Variants in SMAP1 observed in about 807,000 individuals in gnomAD.
SMAP1 encodes the protein small ArfGAP 1.
Under a neutral mutation model 58.5 loss-of-function variants are expected in SMAP1, and 24 were observed. That is an observed-to-expected ratio of 0.41 (90% confidence interval 0.30 to 0.58). The LOEUF (loss-of-function observed/expected upper bound fraction) is 0.58. SMAP1 is among the 20% of genes least tolerant of loss of function. The pLI, the probability that SMAP1 is intolerant of heterozygous loss-of-function variation, is 0.29. For missense variants in SMAP1, 563 were observed against 566.3 expected (o/e 0.99, Z 0.06); for synonymous variants, 216 against 196.6 (o/e 1.10, Z -0.82).
At chr6:70,779,100 G>T (rs118095579) in intron 4 of SMAP1, among the ~76,000 whole-genome samples, 2 of 152,212 alleles carry the variant, frequency 1.3e-5, no homozygotes, top group African/African-American at 2.4e-5. Flanking sequence ...CCAGGCAGGC[G>T]GTTCTCAGGT....
chr6:70,700,790 C>T (rs1213974665), intron 1 of SMAP1, among the ~76,000 whole-genome samples: 2 of 152,226 alleles, frequency 1.3e-5, no homozygotes, highest in African/African-American at 2.4e-5. Flanking sequence ...TAGCAAGTAC[C>T]GGCAAGTATT....
chr6:70,855,979 A>G (rs929928192), intron 8 of SMAP1, among the ~76,000 whole-genome samples: 7 of 152,216 alleles, frequency 4.6e-5, no homozygotes, highest in Non-Finnish European at 1.5e-5. Flanking sequence ...AACTTATTGC[A>G]TGGTGTTCTA....
intron 7 of SMAP1, among the ~76,000 whole-genome samples, chr6:70,843,144 C>A (rs1047603449): frequency 1.3e-5 from 2 of 150,916 alleles, no homozygotes; most frequent in Non-Finnish European, 2.9e-5. Flanking sequence ...TTTTACACAC[C>A]CACACACACT....
At chr6:70,748,271 T>A (rs917354691) in intron 2 of SMAP1, among the ~76,000 whole-genome samples, 9 of 152,204 alleles carry the variant, frequency 5.9e-5, no homozygotes, top group Admixed American at 2.0e-4. Flanking sequence ...TAAAAGTTTT[T>A]AAAAATATGT....
At chr6:70,850,232 G>A (rs533676025) in intron 7 of SMAP1, among the ~76,000 whole-genome samples, 1 of 152,198 alleles carries the variant, frequency 6.6e-6, no homozygotes, top group East Asian at 1.9e-4. Context: ...ATGCATCCTG[G>A]GCACACTGGT....
chr6:70,755,516 T>C (rs1373157822), intron 3 of SMAP1, among the ~76,000 whole-genome samples: 1 of 152,050 alleles, frequency 6.6e-6, no homozygotes, highest in Non-Finnish European at 1.5e-5. Flanking sequence ...AACCGTAGGC[T>C]AATGTTAGTG....
At chr6:70,850,309 A>G (rs946763399) in intron 7 of SMAP1, among the ~76,000 whole-genome samples, 1 of 152,176 alleles carries the variant, frequency 6.6e-6, no homozygotes, top group Non-Finnish European at 1.5e-5. Flanking sequence ...CAGTTTGCCA[A>G]AAAATCAACG....
At chr6:70,718,899 A>G (rs1033175336) in intron 1 of SMAP1, among the ~76,000 whole-genome samples, 2 of 152,062 alleles carry the variant, frequency 1.3e-5, no homozygotes, top group Non-Finnish European at 2.9e-5. Flanking sequence ...TTATTTTAAA[A>G]AGTCCTTTCT....
At chr6:70,781,454 G>C (rs1274035247) in intron 4 of SMAP1, among the ~76,000 whole-genome samples, 1 of 152,096 alleles carries the variant, frequency 6.6e-6, no homozygotes, top group Non-Finnish European at 1.5e-5. Flanking sequence ...TATTTAAAAT[G>C]ATTTCTAGAC....
At chr6:70,669,356 G>A (rs1766169799) in intron 1 of SMAP1, among the ~76,000 whole-genome samples, 1 of 152,168 alleles carries the variant, frequency 6.6e-6, no homozygotes, top group Non-Finnish European at 1.5e-5. Flanking sequence ...ACTAGACTGA[G>A]CCACACAGCA....
At chr6:70,795,167 T>C (rs1026191496) in intron 5 of SMAP1, among the ~76,000 whole-genome samples, 20 of 152,314 alleles carry the variant, frequency 1.3e-4, no homozygotes, top group African/African-American at 4.8e-4. Context: ...AATTCTGGTG[T>C]TAAAGAGTAT....
intron 3 of SMAP1, among the ~76,000 whole-genome samples, chr6:70,758,579 A>G (rs1766615129): frequency 6.6e-6 from 1 of 152,118 alleles, no homozygotes; most frequent in Non-Finnish European, 1.5e-5. Context: ...CAGGAGAAAC[A>G]TTAGAAACAT....
chr6:70,806,422 T>C (rs979691179), intron 6 of SMAP1, among the ~76,000 whole-genome samples: 1 of 152,174 alleles, frequency 6.6e-6, no homozygotes, highest in Non-Finnish European at 1.5e-5. Context: ...ACAGCTTCCC[T>C]TGGCTAGGAA....
chr6:70,767,196 G>A (rs1313675477), intron 3 of SMAP1, among the ~76,000 whole-genome samples: 10 of 151,904 alleles, frequency 6.6e-5, no homozygotes, highest in Non-Finnish European at 1.3e-4. Flanking sequence ...CTCCAGCTTT[G>A]TTCTTTTGGC....
intron 1 of SMAP1, among the ~76,000 whole-genome samples, chr6:70,686,977 TG>T (rs1190783390): frequency 6.6e-6 from 1 of 152,188 alleles, no homozygotes; most frequent in Non-Finnish European, 1.5e-5. Flanking sequence ...ATTTTTACAT[TG>T]TGGCTGTCTC....
At chr6:70,814,006 C>T (rs1331628442) in intron 6 of SMAP1, among the ~76,000 whole-genome samples, 6 of 152,066 alleles carry the variant, frequency 3.9e-5, no homozygotes, top group African/African-American at 4.8e-5. Flanking sequence ...AAATGTGCAG[C>T]GATGAAAGGA....
At chr6:70,751,893 C>T (rs563451257) in intron 2 of SMAP1, among the ~76,000 whole-genome samples, 2 of 152,052 alleles carry the variant, frequency 1.3e-5, no homozygotes, top group South Asian at 2.1e-4. Context: ...TGTCACTTAT[C>T]CCCTCCACAC....
chr6:70,770,000 C>T (rs1473894430), intron 3 of SMAP1, among the ~76,000 whole-genome samples: 7 of 151,688 alleles, frequency 4.6e-5, no homozygotes, highest in Non-Finnish European at 1.0e-4. Flanking sequence ...TTTATTTCTC[C>T]TTCACTTATG....
intron 1 of SMAP1, among the ~76,000 whole-genome samples, chr6:70,687,503 G>A (rs916198938): frequency 6.6e-6 from 1 of 152,086 alleles, no homozygotes; most frequent in Non-Finnish European, 1.5e-5. Flanking sequence ...GTTTTGAAGA[G>A]TAAAGTTAGG....
Sources: allele counts gnomAD v4.1 joint callset (sites outside exome capture counted in the v4.1 genomes callset), GRCh38; gene constraint gnomAD v4.1.1; transcripts MANE v1.5; gene names NCBI Gene and HGNC (gene_info 2026-07-23, HGNC 2026-07-21).